Variants in LTBP1 observed in about 807,000 individuals in gnomAD.
The protein encoded by LTBP1 is latent transforming growth factor beta binding protein 1, also known as latent-transforming growth factor beta-binding protein 1.
In LTBP1, 129 loss-of-function variants were observed where a neutral mutation model predicts 207.6. The observed-to-expected ratio is 0.62, with a 90% CI of 0.54 to 0.72. The LOEUF (loss-of-function observed/expected upper bound fraction) is 0.72, where lower values mean the gene tolerates loss of function less well. Among genes scored for constraint, LTBP1 ranks in the 30% least tolerant of loss-of-function variants. The pLI is 0.00. For missense variants in LTBP1, 2,281 were observed against 2,217.2 expected, an observed-to-expected ratio of 1.03 and a Z score of -0.58; for synonymous variants, 963 against 833.7, an observed-to-expected ratio of 1.16 and a Z score of -2.67.
At chr2:33,027,548 A>C (rs2075480600) in intron 3 of LTBP1, among the ~76,000 whole-genome samples, 1 of 152,182 alleles carries the variant, frequency 6.6e-6, no homozygotes, top group Admixed American at 6.5e-5. Flanking sequence ...TGAAAATTCT[A>C]GAAGAAGGCC....
At chr2:33,328,572 C>G (rs2094457744) in intron 24 of LTBP1, among the ~76,000 whole-genome samples, 3 of 152,120 alleles carry the variant, frequency 2.0e-5, no homozygotes, top group African/African-American at 4.8e-5. Context: ...AGGGAAAATG[C>G]CAGACACTTA....
chr2:32,956,113 G>A (rs950258033), intron 2 of LTBP1, among the ~76,000 whole-genome samples: 3 of 152,214 alleles, frequency 2.0e-5, no homozygotes, highest in African/African-American at 7.2e-5. Context: ...TCAGCCTTGA[G>A]TGAGTCATTA....
In LTBP1 at chr2:33,057,089, T is replaced by C. The variant is rs940691670; in HGVS notation, c.863+35883T>C. On this transcript the variant is annotated intron_variant, in intron 3 of 33. Transcript: ENST00000404816. ...CCATGAGCTAGACACAGAGTGCTGA[T>C]TGGTGCATTTACAAACCTTGAACTA... 6.0e-4 allele frequency among the ~76,000 whole-genome samples: 92 copies of C among 152,130 alleles called. 4 individuals are homozygous for C. The highest frequency in any genetic ancestry group is 7.9e-4 in the Admixed American group (12 of 15,266).
At chr2:33,200,273 C>T (rs1483618997) in intron 7 of LTBP1, among the ~76,000 whole-genome samples, 28 of 152,186 alleles carry the variant, frequency 1.8e-4, no homozygotes, top group Admixed American at 1.5e-3. Context: ...GGTACCAAAA[C>T]AGAGATATAA....
chr2:33,305,014 C>T (rs773767615), intron 22 of LTBP1, among the ~76,000 whole-genome samples: 23 of 151,970 alleles, frequency 1.5e-4, no homozygotes, highest in Non-Finnish European at 2.5e-4. Flanking sequence ...TGGGAGATAA[C>T]GAAAAAATAC....
In LTBP1 at chr2:33,399,292, T is replaced by A. The variant is rs1041682420; in HGVS notation, c.*747T>A. 1.3e-5 allele frequency: 2 copies of A among 152,210 alleles called. No individual in the cohort carries two copies. The highest frequency in any genetic ancestry group is 6.5e-5 in the Admixed American group (1 of 15,274). 9.4% of individuals were successfully genotyped at this position (152,210 alleles called of 1,614,324 possible). A position where few individuals can be genotyped will look rare whatever the true frequency, so the allele number is the denominator to read the frequency against. ...TATGTAAAGTAAGCCCAACAAAAAT[T>A]TTTAAAAATTTGATGATCCCCAATA... is the stretch of plus-strand genomic sequence containing the variant. On this transcript the variant is annotated 3_prime_UTR_variant, in exon 34 of 34. Transcript: ENST00000404816.
chr2:33,207,929 C>G (rs1454310662), intron 7 of LTBP1, among the ~76,000 whole-genome samples: 1 of 152,156 alleles, frequency 6.6e-6, no homozygotes, highest in African/African-American at 2.4e-5. Context: ...GTGTTTATAT[C>G]ATAGTGAAAA....
intron 24 of LTBP1, among the ~76,000 whole-genome samples, chr2:33,324,306 A>T (rs2094397295): frequency 6.6e-6 from 1 of 152,034 alleles, no homozygotes; most frequent in East Asian, 1.9e-4. Flanking sequence ...AATTTTAATT[A>T]TAATATAATC....
chr2:33,010,120 A>T (rs1018838512), intron 2 of LTBP1, among the ~76,000 whole-genome samples: 2 of 152,060 alleles, frequency 1.3e-5, no homozygotes, highest in African/African-American at 4.8e-5. Context: ...GGACATGGGG[A>T]GGAGGAGGGA....
chr2:33,215,832 C>T (rs11886337), intron 7 of LTBP1, among the ~76,000 whole-genome samples: 9,449 of 151,718 alleles, frequency 0.062, 637 homozygotes, highest in African/African-American at 0.17. Flanking sequence ...CCCCCTGCCT[C>T]AGCCTCCTGA....
intron 20 of LTBP1, among the ~76,000 whole-genome samples, chr2:33,297,584 A>G (rs977688330): frequency 2.0e-5 from 3 of 152,038 alleles, no homozygotes; most frequent in South Asian, 2.1e-4. Flanking sequence ...GGCACGTGCC[A>G]TCACACCTGG....
At chr2:33,061,295 G>A (rs1053511953) in intron 3 of LTBP1, 6 of 152,106 alleles carry the variant, frequency 3.9e-5, no homozygotes, top group African/African-American at 1.2e-4. Flanking sequence ...TGTCATGCAT[G>A]TCATTAACTA....
At chr2:33,075,753 G>A (rs1008555395) in intron 3 of LTBP1, among the ~76,000 whole-genome samples, 4 of 152,184 alleles carry the variant, frequency 2.6e-5, no homozygotes, top group African/African-American at 9.7e-5. Flanking sequence ...AATACTCTAA[G>A]TAAGTGATAT....
intron 2 of LTBP1, among the ~76,000 whole-genome samples, chr2:32,971,642 C>G (rs1680900147): frequency 6.6e-6 from 1 of 152,144 alleles, no homozygotes; most frequent in Non-Finnish European, 1.5e-5. Context: ...AGCGATAAAG[C>G]CTACTTGATT....
rs376063895 is a variant in LTBP1, at chr2:33,204,721, AG to A, written c.1702-12829del. 1.4e-3 allele frequency among the ~76,000 whole-genome samples: 210 copies of A among 152,354 alleles called. 3 individuals carry two copies. Among genetic ancestry groups the A allele is most frequent in the African/African-American group, 4.9e-3 (202 of 41,590 alleles). On this transcript the variant is annotated intron_variant, in intron 7 of 33. Coordinates refer to ENST00000404816, the MANE Select transcript of LTBP1 (RefSeq NM_206943.4). Reference sequence around the variant, plus strand: ...CAGCCTCCCAAGTAGCTAAGAGTATAGGTGTGTGCCACCATACCTGGCCATG... The same window carrying A: ...CAGCCTCCCAAGTAGCTAAGAGTATAGTGTGTGCCACCATACCTGGCCATG...
rs1224417442 is a variant in LTBP1, at chr2:33,339,909, T to G, written c.3731-2929T>G. On this transcript the variant is annotated intron_variant, in intron 24 of 33. Coordinates refer to ENST00000404816, the MANE Select transcript of LTBP1 (RefSeq NM_206943.4). ...ATCTGCCTGTCTCGGCCTCCCAAAG[T>G]GCTGGGATTACAGGCATGAGCCACC... is the stretch of plus-strand genomic sequence containing the variant. 4.6e-5 allele frequency among the ~76,000 whole-genome samples: 7 copies of G among 152,222 alleles called. No homozygotes were observed. In the East Asian group the frequency reaches 9.7e-4, roughly 21 times the overall value.
chr2:33,121,658 C>T (rs918251885), intron 4 of LTBP1, among the ~76,000 whole-genome samples: 4 of 152,184 alleles, frequency 2.6e-5, no homozygotes, highest in South Asian at 4.1e-4. Flanking sequence ...GGCTGGAGCG[C>T]GCATCTGCTT....
intron 5 of LTBP1, among the ~76,000 whole-genome samples, chr2:33,138,642 A>G (rs1053191416): frequency 5.3e-5 from 8 of 152,164 alleles, no homozygotes; most frequent in African/African-American, 1.9e-4. Context: ...TCCTCTGACA[A>G]GAAGAACATA....
chr2:32,948,019 G>A (rs1313861706), intron 1 of LTBP1, among the ~76,000 whole-genome samples: 1 of 152,198 alleles, frequency 6.6e-6, no homozygotes, highest in Admixed American at 6.5e-5. Flanking sequence ...TTTTACTGAC[G>A]TGAAACTCCG....
Sources: allele counts gnomAD v4.1 joint callset (sites outside exome capture counted in the v4.1 genomes callset), GRCh38; gene constraint gnomAD v4.1.1; transcripts MANE v1.5; gene names NCBI Gene and HGNC (gene_info 2026-07-23, HGNC 2026-07-21).